Variants in CHODL observed in about 807,000 individuals in gnomAD.
CHODL encodes the protein chondrolectin.
Under a neutral mutation model 34.5 loss-of-function variants are expected in CHODL, and 29 were observed. The ratio of observed to expected loss-of-function variants is 0.84; its 90% CI spans 0.63 to 1.15. The LOEUF (loss-of-function observed/expected upper bound fraction) is 1.15, where lower values mean the gene tolerates loss of function less well. Ranked by LOEUF, CHODL falls within the 50% of genes most tolerant of loss-of-function variation. The probability of loss-of-function intolerance (pLI) is 0.00; values close to 1 mark genes in which losing one functional copy is unlikely to be tolerated. For synonymous variants in CHODL, 125 were observed against 116.1 expected (o/e 1.08, Z -0.49); for missense variants, 332 against 332.5 (o/e 1.00, Z 0.01).
chr21:18,214,499 C>T (rs1393159037), intron 2 of CHODL, among the ~76,000 whole-genome samples: 1 of 152,100 alleles, frequency 6.6e-6, no homozygotes. Flanking sequence ...AACCTATCTA[C>T]ACATATTATA....
At chr21:18,207,333 A>G (rs2073723657) in intron 2 of CHODL, among the ~76,000 whole-genome samples, 2 of 152,202 alleles carry the variant, frequency 1.3e-5, no homozygotes. Flanking sequence ...ATAAACAAAG[A>G]TAAAACGAAT....
At chr21:18,026,148 G>T (rs1409089368) in intron 1 of CHODL, among the ~76,000 whole-genome samples, 2 of 152,154 alleles carry the variant, frequency 1.3e-5, no homozygotes, top group African/African-American at 2.4e-5. Context: ...ATTAGTATTT[G>T]CTGAATGAAT....
chr21:18,253,020 C>T (rs1168053909), intron 1 of CHODL, among the ~76,000 whole-genome samples: 1 of 151,984 alleles, frequency 6.6e-6, no homozygotes, highest in Admixed American at 6.6e-5. Flanking sequence ...TTTTTTCTTT[C>T]ATTATTATTA....
chr21:18,154,732 C>T (rs11088668), intron 2 of CHODL, among the ~76,000 whole-genome samples: 25,319 of 152,088 alleles, frequency 0.17, 2,273 homozygotes, highest in East Asian at 0.23. Flanking sequence ...TTCTTCCTAC[C>T]ACAGCTTCCT....
At chr21:18,070,015 TTCCCTTCCCTCC>T (rs2064779692) in intron 2 of CHODL, among the ~76,000 whole-genome samples, 9 of 62,216 alleles carry the variant, frequency 1.4e-4, no homozygotes, top group African/African-American at 4.1e-4. Context: ...TTCCCTTCCC[TTCCCTTCCCTCC>T]CCCCCCCCAC....
At chr21:18,154,737 C>T (rs1419753359) in intron 2 of CHODL, among the ~76,000 whole-genome samples, 1 of 152,176 alleles carries the variant, frequency 6.6e-6, no homozygotes, top group Non-Finnish European at 1.5e-5. Flanking sequence ...CCTACCACAG[C>T]TTCCTAAAAT....
intron 2 of CHODL, among the ~76,000 whole-genome samples, chr21:18,226,362 G>A (rs968154309): frequency 2.6e-5 from 4 of 152,074 alleles, no homozygotes; most frequent in Admixed American, 6.6e-5. Context: ...GTGTAGTGGC[G>A]TGATCTCAGC....
At chr21:18,094,737 T>C (rs55786169) in intron 2 of CHODL, among the ~76,000 whole-genome samples, 1,998 of 110,462 alleles carry the variant, frequency 0.018, 44 homozygotes, top group African/African-American at 0.062. Context: ...TATAAATGTC[T>C]ACATCAAAAA....
chr21:18,127,586 C>A (rs2146587802), intron 2 of CHODL, among the ~76,000 whole-genome samples: 1 of 150,304 alleles, frequency 6.7e-6, no homozygotes, highest in Non-Finnish European at 1.5e-5. Context: ...TAAAACATGT[C>A]CAAGAATTGG....
chr21:18,028,253 CTT>C (rs1568850942), intron 2 of CHODL, among the ~76,000 whole-genome samples: 1 of 67,602 alleles, frequency 1.5e-5, no homozygotes, highest in East Asian at 3.6e-4. Context: ...TCCCCTTTTC[CTT>C]TTCTTTTTCT....
chr21:18,234,092 A>G (rs987138394), intron 2 of CHODL, among the ~76,000 whole-genome samples: 1 of 152,180 alleles, frequency 6.6e-6, no homozygotes, highest in Non-Finnish European at 1.5e-5. Context: ...TAAGTGCAAT[A>G]AAACAAATCA....
chr21:18,197,687 G>A (rs959992451), intron 2 of CHODL, among the ~76,000 whole-genome samples: 1 of 152,158 alleles, frequency 6.6e-6, no homozygotes, highest in Non-Finnish European at 1.5e-5. Flanking sequence ...GACAGATGAG[G>A]TTTGAAGAGT....
At chr21:18,137,409 A>G (rs1302110092) in intron 2 of CHODL, among the ~76,000 whole-genome samples, 2 of 152,224 alleles carry the variant, frequency 1.3e-5, no homozygotes, top group African/African-American at 4.8e-5. Flanking sequence ...AACACAGTCA[A>G]CAACTTCAAC....
At chr21:17,977,983 A>G (rs903619712) in intron 1 of CHODL, among the ~76,000 whole-genome samples, 4 of 149,248 alleles carry the variant, frequency 2.7e-5, no homozygotes, top group Admixed American at 2.0e-4. Context: ...AGGTTTTGGT[A>G]GGGGAATATA....
At chr21:18,109,938 T>C (rs181790014) in intron 2 of CHODL, among the ~76,000 whole-genome samples, 10 of 152,144 alleles carry the variant, frequency 6.6e-5, no homozygotes, top group African/African-American at 2.2e-4. Context: ...CTCTTACAGG[T>C]ACAATATAAA....
intron 1 of CHODL, among the ~76,000 whole-genome samples, chr21:17,938,850 C>T (rs1337993446): frequency 6.6e-6 from 1 of 151,988 alleles, no homozygotes; most frequent in Non-Finnish European, 1.5e-5. Context: ...AACATGTGGG[C>T]ACTTCTGATT....
intron 2 of CHODL, among the ~76,000 whole-genome samples, chr21:18,136,105 C>CA (rs67552520): frequency 0.1 from 9,052 of 89,416 alleles, 848 homozygotes; most frequent in East Asian, 0.28. Context: ...GATTATGTCT[C>CA]AAAAAAAAAA....
chr21:18,181,497 G>T (rs2073381244), intron 2 of CHODL, among the ~76,000 whole-genome samples: 1 of 152,090 alleles, frequency 6.6e-6, no homozygotes, highest in Non-Finnish European at 1.5e-5. Context: ...CCGCCTCCTG[G>T]GTTCCCGCCA....
chr21:18,144,049 T>C (rs2072834904), intron 2 of CHODL, among the ~76,000 whole-genome samples: 1 of 152,062 alleles, frequency 6.6e-6, no homozygotes, highest in Non-Finnish European at 1.5e-5. Flanking sequence ...CCCAGATTAA[T>C]TTGAAAGCTA....
Sources: allele counts gnomAD v4.1 joint callset (sites outside exome capture counted in the v4.1 genomes callset), GRCh38; gene constraint gnomAD v4.1.1; transcripts MANE v1.5; gene names NCBI Gene and HGNC (gene_info 2026-07-23, HGNC 2026-07-21).